SEMA5B: variants seen among roughly 807,000 people sequenced by gnomAD.
SEMA5B encodes the protein semaphorin 5B.
A neutral mutation model predicts 135.0 loss-of-function variants in SEMA5B; 66 were observed. The observed-to-expected ratio is 0.49, with a 90% CI of 0.40 to 0.60. The LOEUF is 0.60. Among genes scored for constraint, SEMA5B ranks in the 20% least tolerant of loss-of-function variants. The pLI is 0.00. For synonymous variants in SEMA5B, 690 were observed against 639.5 expected (o/e 1.08, Z -1.19); for missense variants, 1,501 against 1,566.3 (o/e 0.96, Z 0.70).
At chr3:122,968,772 G>C (rs895908121) in intron 1 of SEMA5B, among the ~76,000 whole-genome samples, 2 of 152,036 alleles carry the variant, frequency 1.3e-5, no homozygotes. Context: ...GCTGGGTTTG[G>C]TACCCATCAC....
At chr3:123,022,002 C>T (rs1942692351) in intron 1 of SEMA5B, among the ~76,000 whole-genome samples, 1 of 152,118 alleles carries the variant, frequency 6.6e-6, no homozygotes, top group Non-Finnish European at 1.5e-5. Flanking sequence ...GACTCACATT[C>T]CCCACAAAGA....
chr3:122,968,676 C>T (rs1177963806), intron 1 of SEMA5B, among the ~76,000 whole-genome samples: 1 of 152,202 alleles, frequency 6.6e-6, no homozygotes, highest in Non-Finnish European at 1.5e-5. Context: ...CTGAGGTCAT[C>T]CTGTCCATCC....
intron 1 of SEMA5B, chr3:122,975,454 C>A (rs990979054): frequency 1.9e-5 from 3 of 154,366 alleles, no homozygotes; most frequent in East Asian, 3.8e-4. Flanking sequence ...CAGCCTGGGT[C>A]GACACTGAGC....
At chr3:122,963,202 A>G (rs1940663897) in intron 1 of SEMA5B, among the ~76,000 whole-genome samples, 2 of 152,214 alleles carry the variant, frequency 1.3e-5, no homozygotes, top group African/African-American at 4.8e-5. Context: ...TATTAGAGAT[A>G]AGAATCCAAA....
At chr3:122,915,671 G>A (rs371452243) in intron 13 of SEMA5B, 50 bp from the exon 14 acceptor site, 3 of 1,600,854 alleles carry the variant, frequency 1.9e-6, no homozygotes, top group Admixed American at 1.7e-5. Flanking sequence ...GCCAAGGGCA[G>A]GGAAGTCATA....
At chr3:122,936,303 G>C (rs1215272341) in intron 5 of SEMA5B, among the ~76,000 whole-genome samples, 1 of 152,142 alleles carries the variant, frequency 6.6e-6, no homozygotes, top group Non-Finnish European at 1.5e-5. Context: ...ACGGACACTT[G>C]GGGGCCAGGG....
intron 1 of SEMA5B, among the ~76,000 whole-genome samples, chr3:123,022,138 T>C (rs1050391193): frequency 6.6e-6 from 1 of 152,170 alleles, no homozygotes; most frequent in Non-Finnish European, 1.5e-5. Context: ...CTTTCACAGA[T>C]GAAGAACCCA....
intron 1 of SEMA5B, among the ~76,000 whole-genome samples, chr3:122,971,341 C>T (rs974989698): frequency 6.6e-6 from 1 of 152,236 alleles, no homozygotes. Context: ...AATGGTGGAA[C>T]AAAGTGCAAG....
At chr3:123,004,351 C>T (rs541362047) in intron 1 of SEMA5B, among the ~76,000 whole-genome samples, 1 of 152,286 alleles carries the variant, frequency 6.6e-6, no homozygotes, top group Non-Finnish European at 1.5e-5. Context: ...AGAGCAGGCA[C>T]AAAACTCAAA....
chr3:122,958,401 CT>C (rs1940428801), intron 2 of SEMA5B: 1 of 152,290 alleles, frequency 6.6e-6, no homozygotes, highest in Non-Finnish European at 1.5e-5. Flanking sequence ...AGAATGTGTA[CT>C]GTCTGCAGTT....
At chr3:122,942,868 A>G (rs1416567529) in intron 4 of SEMA5B, among the ~76,000 whole-genome samples, 2 of 152,158 alleles carry the variant, frequency 1.3e-5, no homozygotes, top group Non-Finnish European at 2.9e-5. Context: ...ACCAGAGCCA[A>G]TGTTCTGTGG....
At chr3:123,006,316 GA>G (rs1442500771) in intron 1 of SEMA5B, among the ~76,000 whole-genome samples, 2 of 152,170 alleles carry the variant, frequency 1.3e-5, no homozygotes, top group Admixed American at 6.5e-5. Flanking sequence ...AGAGAGAAAA[GA>G]AGAAATGTCC....
intron 14 of SEMA5B, among the ~76,000 whole-genome samples, chr3:122,914,481 C>T (rs1937955579): frequency 6.6e-6 from 1 of 152,202 alleles, no homozygotes; most frequent in African/African-American, 2.4e-5. Context: ...CTGGGCTCTA[C>T]CATTTGCTGG....
At chr3:122,916,214 C>A (rs915893748) in intron 12 of SEMA5B, among the ~76,000 whole-genome samples, 1 of 152,228 alleles carries the variant, frequency 6.6e-6, no homozygotes, top group African/African-American at 2.4e-5. Flanking sequence ...GCACTGCTTT[C>A]CCCAAATATG....
intron 1 of SEMA5B, chr3:122,975,946 A>C (rs1941303679): frequency 5.9e-6 from 9 of 1,522,878 alleles, no homozygotes; most frequent in African/African-American, 5.6e-5. Context: ...CCTCCATCCA[A>C]CCTCCTCAAC....
chr3:122,961,841 G>A (rs1940596344), intron 1 of SEMA5B, among the ~76,000 whole-genome samples: 1 of 152,098 alleles, frequency 6.6e-6, no homozygotes, highest in South Asian at 2.1e-4. Flanking sequence ...GGTCTCAGTG[G>A]GCTAAAATCA....
intron 1 of SEMA5B, among the ~76,000 whole-genome samples, chr3:122,968,975 C>T (rs1940998189): frequency 6.6e-6 from 1 of 152,242 alleles, no homozygotes; most frequent in South Asian, 2.1e-4. Context: ...TGATCCCCAA[C>T]TTGTGAAATC....
intron 1 of SEMA5B, among the ~76,000 whole-genome samples, chr3:123,005,520 C>A (rs1312665168): frequency 1.8e-4 from 27 of 152,074 alleles, no homozygotes; most frequent in Admixed American, 1.8e-3. Context: ...CATTCCCATA[C>A]CTGGCTAATT....
At chr3:122,913,090 G>A in intron 17 of SEMA5B, 29 bp from the exon 18 acceptor site, 1 of 1,423,074 alleles carries the variant, frequency 7.0e-7, no homozygotes, top group Non-Finnish European at 9.1e-7. Context: ...TCAGCGACTG[G>A]GCGCCCGGCC....
Sources: allele counts gnomAD v4.1 joint callset (sites outside exome capture counted in the v4.1 genomes callset), GRCh38; gene constraint gnomAD v4.1.1; transcripts MANE v1.5; gene names NCBI Gene and HGNC (gene_info 2026-07-23, HGNC 2026-07-21).